The following FYB1 variants were observed in gnomAD, a reference collection of about 807,000 sequenced individuals.
The protein encoded by FYB1 is FYN binding protein 1, also known as FYN-binding protein 1.
A neutral mutation model predicts 94.1 loss-of-function variants in FYB1; 41 were observed. The observed-to-expected ratio is 0.44, with a 90% CI of 0.34 to 0.57. FYB1 has a LOEUF of 0.57. FYB1 is among the 20% of genes least tolerant of loss of function. The probability of loss-of-function intolerance (pLI) is 0.02; values close to 1 mark genes in which losing one functional copy is unlikely to be tolerated. For synonymous variants in FYB1, 367 were observed against 353.2 expected (o/e 1.04, Z -0.44); for missense variants, 1,050 against 976.8 (o/e 1.07, Z -1.00).
intron 1 of FYB1, among the ~76,000 whole-genome samples, chr5:39,230,844 TACACACACACACACACAC>T (rs10641788): frequency 1.4e-5 from 2 of 143,540 alleles, no homozygotes; most frequent in African/African-American, 5.3e-5. Context: ...TGTCTCAGTA[TACACACACACACACACAC>T]ACACACACAC....
intron 1 of FYB1, among the ~76,000 whole-genome samples, chr5:39,234,464 A>C (rs968161778): frequency 6.6e-6 from 1 of 151,686 alleles, no homozygotes; most frequent in Non-Finnish European, 1.5e-5. Flanking sequence ...AAAATTACAT[A>C]GTTGTGGAAA....
intron 1 of FYB1, among the ~76,000 whole-genome samples, chr5:39,213,396 C>A (rs1749587029): frequency 6.6e-6 from 1 of 152,176 alleles, no homozygotes; most frequent in Non-Finnish European, 1.5e-5. Context: ...TTATTCTAAT[C>A]CAAAATGTTT....
chr5:39,197,695 C>G (rs538573355), intron 2 of FYB1, among the ~76,000 whole-genome samples: 1 of 152,384 alleles, frequency 6.6e-6, no homozygotes, highest in Non-Finnish European at 1.5e-5. Context: ...TTTGCAGCCT[C>G]TCCACCTCTG....
intron 1 of FYB1, among the ~76,000 whole-genome samples, chr5:39,238,394 C>T (rs1308889778): frequency 2.0e-5 from 3 of 151,642 alleles, no homozygotes; most frequent in African/African-American, 7.3e-5. Flanking sequence ...TTGAGTTTCT[C>T]CTAAAGAATT....
chr5:39,108,030 G>A (rs545171226), intron 18 of FYB1, among the ~76,000 whole-genome samples: 1 of 151,982 alleles, frequency 6.6e-6, no homozygotes, highest in South Asian at 2.1e-4. Context: ...AATAAATAAG[G>A]TTTTTCCTTA....
chr5:39,142,418 C>A (rs1034681677), intron 3 of FYB1, among the ~76,000 whole-genome samples: 1 of 152,062 alleles, frequency 6.6e-6, no homozygotes, highest in Non-Finnish European at 1.5e-5. Flanking sequence ...CTCATCCTTA[C>A]CTTCTCTCTA....
chr5:39,221,477 A>T (rs1186280959), upstream of FYB1, among the ~76,000 whole-genome samples: 1 of 152,228 alleles, frequency 6.6e-6, no homozygotes, highest in South Asian at 2.1e-4. Flanking sequence ...ACACTGTATA[A>T]CTAACCATGA....
chr5:39,139,156 C>A, intron 5 of FYB1, 77 bp downstream of exon 5: 1 of 1,289,464 alleles, frequency 7.8e-7, no homozygotes, highest in South Asian at 1.5e-5. Context: ...TGTTTTGTAC[C>A]AATACGGAGT....
intron 2 of FYB1, among the ~76,000 whole-genome samples, chr5:39,188,017 C>T (rs1414342792): frequency 6.6e-6 from 1 of 152,030 alleles, no homozygotes; most frequent in East Asian, 1.9e-4. Flanking sequence ...TCGTTGATTA[C>T]AGGTGTTCTG....
chr5:39,137,699 C>T lies in FYB1; in HGVS notation c.1416G>A (p.Glu472=), dbSNP rs1741785075. Residue 472 remains glutamate, a synonymous_variant, in exon 7 of 19, where the codon GAG becomes GAA. Transcript: ENST00000512982. ...TCTTTTCTTCCTTTTCCCTTTTCTT[C>T]TCTCTTTCTTTGGATGCTTCTCTGT... ...YEDIEASKER[E]KKREKEEKKR... 17 of 1,549,448 alleles carry T rather than the reference C, an allele frequency of 1.1e-5. No individual in the cohort carries two copies. In the East Asian group the frequency reaches 1.2e-4, roughly 11 times the overall value.
intron 2 of FYB1, among the ~76,000 whole-genome samples, chr5:39,197,185 T>G (rs1169202260): frequency 6.6e-6 from 1 of 152,216 alleles, no homozygotes; most frequent in Non-Finnish European, 1.5e-5. Flanking sequence ...ATAGTCTTTT[T>G]GGAGTCTCTG....
At chr5:39,233,441 T>C (rs1750832102) in intron 1 of FYB1, among the ~76,000 whole-genome samples, 1 of 152,150 alleles carries the variant, frequency 6.6e-6, no homozygotes, top group African/African-American at 2.4e-5. Context: ...AGAGCAGTGG[T>C]TCTCAACTCT....
chr5:39,224,933 A>G (rs1750409627), intron 1 of FYB1, among the ~76,000 whole-genome samples: 1 of 152,200 alleles, frequency 6.6e-6, no homozygotes, highest in African/African-American at 2.4e-5. Flanking sequence ...AATTCTAGAA[A>G]TGCATTTATA....
intron 14 of FYB1, 100 bp downstream of exon 14, chr5:39,122,236 C>A: frequency 1.3e-6 from 1 of 748,056 alleles, no homozygotes; most frequent in Non-Finnish European, 2.3e-6. Flanking sequence ...AACAGGATCG[C>A]ACACAGTAGA....
chr5:39,232,189 T>A (rs186130996), intron 1 of FYB1, among the ~76,000 whole-genome samples: 1 of 152,234 alleles, frequency 6.6e-6, no homozygotes, highest in East Asian at 1.9e-4. Flanking sequence ...CACACACGCA[T>A]ACCAATCTCC....
At chr5:39,127,059 C>CAAAAAAA (rs200980181) in intron 11 of FYB1, among the ~76,000 whole-genome samples, 8 of 77,454 alleles carry the variant, frequency 1.0e-4, no homozygotes, top group Admixed American at 1.4e-4. Context: ...ACTCAGGTCT[C>CAAAAAAA]AAAAAAAAAA....
chr5:39,140,441 A>G (rs531254771), intron 4 of FYB1, among the ~76,000 whole-genome samples: 1 of 152,364 alleles, frequency 6.6e-6, no homozygotes, highest in East Asian at 1.9e-4. Context: ...TTTGATTCAC[A>G]TAAGAAAAAA....
intron 1 of FYB1, among the ~76,000 whole-genome samples, chr5:39,210,809 G>C (rs1340974880): frequency 6.6e-6 from 1 of 152,144 alleles, no homozygotes; most frequent in East Asian, 1.9e-4. Context: ...CCAAGGGTTT[G>C]AGTTCATCCT....
At chr5:39,136,035 T>C (rs984755857) in intron 7 of FYB1, among the ~76,000 whole-genome samples, 3 of 152,180 alleles carry the variant, frequency 2.0e-5, no homozygotes, top group Non-Finnish European at 1.5e-5. Flanking sequence ...TTCCTTTAAA[T>C]CTACAATTTC....
Sources: allele counts gnomAD v4.1 joint callset (sites outside exome capture counted in the v4.1 genomes callset), GRCh38; gene constraint gnomAD v4.1.1; transcripts MANE v1.5; gene names NCBI Gene and HGNC (gene_info 2026-07-23, HGNC 2026-07-21).